The following ZNF736 variants were observed in gnomAD, a reference collection of about 807,000 sequenced individuals.
ZNF736 encodes KRAB-containing zinc-finger repressor protein.
ZNF736 carries 6 observed loss-of-function variants against 11.7 expected under a neutral mutation model. The ratio of observed to expected loss-of-function variants is 0.51; its 90% CI spans 0.28 to 1.01. The LOEUF (loss-of-function observed/expected upper bound fraction) is 1.01, where lower values mean the gene tolerates loss of function less well. ZNF736 is among the 50% of genes least tolerant of loss of function. The pLI is 0.09. For missense variants in ZNF736, 444 were observed against 496.0 expected (o/e 0.90, Z 1.00); for synonymous variants, 139 against 164.7 (o/e 0.84, Z 1.19).
chr7:64,327,010 T>G (rs1193035477), intron 1 of ZNF736, among the ~76,000 whole-genome samples: 2 of 152,194 alleles, frequency 1.3e-5, no homozygotes, highest in Admixed American at 1.3e-4. Flanking sequence ...AGTGTAGCAT[T>G]TGTATTCTGT....
At chr7:64,320,280 A>G (rs145077433) in intron 1 of ZNF736, among the ~76,000 whole-genome samples, 1 of 152,334 alleles carries the variant, frequency 6.6e-6, no homozygotes, top group Non-Finnish European at 1.5e-5. Flanking sequence ...TTCTCAGTTT[A>G]CCATCTACCC....
intron 1 of ZNF736, among the ~76,000 whole-genome samples, chr7:64,331,089 A>G (rs1789159291): frequency 6.6e-6 from 1 of 152,110 alleles, no homozygotes; most frequent in Non-Finnish European, 1.5e-5. Context: ...ATGCACTTCA[A>G]GTTTTCTGGC....
chr7:64,314,982 C>T (rs1011816223), intron 1 of ZNF736, among the ~76,000 whole-genome samples: 3 of 152,166 alleles, frequency 2.0e-5, no homozygotes, highest in Non-Finnish European at 2.9e-5. Flanking sequence ...GGATTGTGGG[C>T]CCGGATTTCT....
rs750363866 is a variant in ZNF736, at chr7:64,348,587, T to A, written c.724T>A (p.Ser242Thr). The A allele has an allele frequency of 6.3e-6, 10 of 1,593,428 alleles. No homozygotes were observed. Among genetic ancestry groups the A allele is most frequent in the Middle Eastern group, 1.7e-4 (1 of 6,032 alleles). The change falls in exon 4 of 4, where the codon TCA becomes ACA. Residue 242 changes from serine (S) to threonine (T), a missense_variant. Physicochemically the swap from Ser to Thr is moderately conservative, Grantham distance 58. Transcript: ENST00000423484. ...EGCGKTFTCS[S>T]TLVKHKRNHT... Reference sequence around the variant, plus strand: ...ATGTGGCAAAACTTTTACCTGCTCCTCAACCCTTGTTAAACACAAGAGAAA... The same window carrying A: ...ATGTGGCAAAACTTTTACCTGCTCCACAACCCTTGTTAAACACAAGAGAAA...
At position 64,356,491 on chromosome 7, in the gene ZNF736, GA is replaced by G; in HGVS notation, c.*7346del. 6.6e-6 allele frequency among the ~76,000 whole-genome samples: 1 copy of G among 151,876 alleles called. No homozygotes were observed. The highest frequency in any genetic ancestry group is 1.9e-4 in the East Asian group (1 of 5,178). On this transcript the variant is annotated 3_prime_UTR_variant, in exon 4 of 4. Coordinates refer to ENST00000423484, the MANE Select transcript of ZNF736 (RefSeq NM_001170905.3). ...ATTTTTAAAAAAATCTATCAATTTT[GA>G]ATTGCATACCTAGCTAAATTTTTTT... is the stretch of plus-strand genomic sequence containing the variant.
At chr7:64,318,445 ATTC>A (rs1788947043) in intron 1 of ZNF736, among the ~76,000 whole-genome samples, 1 of 151,968 alleles carries the variant, frequency 6.6e-6, no homozygotes, top group Non-Finnish European at 1.5e-5. Context: ...TTATTTATTT[ATTC>A]TTAACAATTA....
At position 64,354,042 on chromosome 7, in the gene ZNF736, CT is replaced by C. The variant is rs1224566756; in HGVS notation, c.*4898del. On this transcript the variant is annotated 3_prime_UTR_variant, in exon 4 of 4. Transcript: ENST00000423484. ...AGTGGACTAACATCTCTAGTGATCC[CT>C]TTGTCAGTGGTCTTTAACTTAAAAT... 6.6e-6 allele frequency: 1 copy of C among 152,110 alleles called. No homozygotes were observed. Among genetic ancestry groups the C allele is most frequent in the Non-Finnish European group, 1.5e-5 (1 of 68,012 alleles). 9.4% of individuals were successfully genotyped at this position (152,110 alleles called of 1,614,324 possible).
At chr7:64,343,677 A>G (rs1476597733) in intron 3 of ZNF736, among the ~76,000 whole-genome samples, 1 of 152,182 alleles carries the variant, frequency 6.6e-6, no homozygotes, top group African/African-American at 2.4e-5. Context: ...ATGTTGATTC[A>G]ATATTTTTTG....
chr7:64,322,877 T>TA (rs1030059036), intron 1 of ZNF736, among the ~76,000 whole-genome samples: 2 of 152,182 alleles, frequency 1.3e-5, no homozygotes, highest in Non-Finnish European at 2.9e-5. Context: ...TTTAATTCTA[T>TA]AAAAAATGTA....
intron 1 of ZNF736, among the ~76,000 whole-genome samples, chr7:64,332,478 A>G (rs1314287833): frequency 6.6e-6 from 1 of 152,188 alleles, no homozygotes; most frequent in Non-Finnish European, 1.5e-5. Flanking sequence ...CATGCTTCTG[A>G]GGGAACAGGA....
chr7:64,330,317 G>A (rs567201831), intron 1 of ZNF736, among the ~76,000 whole-genome samples: 37 of 152,074 alleles, frequency 2.4e-4, no homozygotes, highest in African/African-American at 4.8e-4. Context: ...CCACCGCGCC[G>A]GCTAATTTTT....
At chr7:64,327,199 G>C (rs1381630043) in intron 1 of ZNF736, among the ~76,000 whole-genome samples, 2 of 152,118 alleles carry the variant, frequency 1.3e-5, no homozygotes, top group Non-Finnish European at 2.9e-5. Context: ...TCATATATCT[G>C]AGTTCTCCAA....
chr7:64,319,327 G>GTA (rs1320004364), intron 1 of ZNF736, among the ~76,000 whole-genome samples: 1 of 66,946 alleles, frequency 1.5e-5, no homozygotes, highest in African/African-American at 5.9e-5. Context: ...GTGTGTGTGT[G>GTA]TATGTGTATA....
At position 64,349,090 on chromosome 7, in the gene ZNF736, C is replaced by CT. The variant is rs1337212944; in HGVS notation, c.1228dup (p.Ser410PhefsTer7). ...AATGTGGCAAAGCATCGAGCTGGTT[C>CT]TCACACCTCATCAGACATAAGAGAA... On this transcript the variant is annotated frameshift_variant, in exon 4 of 4. Coordinates refer to ENST00000423484, the MANE Select transcript of ZNF736 (RefSeq NM_001170905.3). LOFTEE classifies it low-confidence loss of function (END_TRUNC). The CT allele has an allele frequency of 1.3e-6, 2 of 1,595,396 alleles. No individual in the cohort carries two copies. Among genetic ancestry groups the CT allele is most frequent in the Admixed American group, 3.5e-5 (2 of 57,356 alleles).
rs1365395771 is a variant in ZNF736 at position 64,349,371 on chromosome 7, CTG to C, written c.*226_*227del. 2.9e-5 allele frequency: 11 copies of C among 375,782 alleles called. No individual in the cohort carries two copies. Among genetic ancestry groups the C allele is most frequent in the South Asian group, 9.6e-5 (1 of 10,384 alleles). The allele number at this position is 375,782 out of a possible 1,614,324, so 23.3% of individuals were successfully genotyped here. A position where few individuals can be genotyped will look rare whatever the true frequency, so the allele number is the denominator to read the frequency against. On this transcript the variant is annotated 3_prime_UTR_variant, in exon 4 of 4. Transcript: ENST00000423484. ...TTTTAAATCTATGTTAATTTCAAGT[CTG>C]TTTTGTCAGAAACTAGGATTGCAAC...
At chr7:64,314,302 C>T in intron 1 of ZNF736, 149 bp downstream of exon 1, 1 of 1,069,966 alleles carries the variant, frequency 9.3e-7, no homozygotes, top group Non-Finnish European at 1.3e-6. Flanking sequence ...TCCTCATTTC[C>T]CTCCATCGCA....
rs663305 is a variant in ZNF736 at position 64,349,841 on chromosome 7, C to A, written c.*694C>A. On this transcript the variant is annotated 3_prime_UTR_variant, in exon 4 of 4. Transcript: ENST00000423484. ...GCTTACCTTGGTCAGATATGAAATT[C>A]TGTGTTGGAATTCTTTTTTTAAGAA... 0.57 allele frequency: 87,229 copies of A among 152,102 alleles called. 25,717 individuals are homozygous for A. Among genetic ancestry groups the A allele is most frequent in the Middle Eastern group, 0.68 (200 of 294 alleles). The allele number at this position is 152,102 out of a possible 1,614,324, so 9.4% of individuals were successfully genotyped here. A position where few individuals can be genotyped will look rare whatever the true frequency, so the allele number is the denominator to read the frequency against.
At chr7:64,333,492 T>C (rs185838437) in intron 1 of ZNF736, among the ~76,000 whole-genome samples, 40 of 152,308 alleles carry the variant, frequency 2.6e-4, no homozygotes, top group Admixed American at 4.6e-4. Context: ...AAGGAGACCA[T>C]GTACTGTTTA....
intron 1 of ZNF736, among the ~76,000 whole-genome samples, chr7:64,335,506 A>C (rs1273206945): frequency 1.3e-5 from 2 of 152,134 alleles, no homozygotes; most frequent in East Asian, 1.9e-4. Flanking sequence ...AGTTGATCTT[A>C]ATTTATTTAC....
Sources: allele counts gnomAD v4.1 joint callset (sites outside exome capture counted in the v4.1 genomes callset), GRCh38; gene constraint gnomAD v4.1.1; transcripts MANE v1.5; gene names NCBI Gene and HGNC (gene_info 2026-07-23, HGNC 2026-07-21).